Variants in CAND1 observed in about 807,000 individuals in gnomAD.
CAND1 encodes the protein cullin associated and neddylation dissociated 1.
Under a neutral mutation model 108.5 loss-of-function variants are expected in CAND1, and 7 were observed. The observed-to-expected ratio is 0.06, with a 90% CI of 0.04 to 0.12. CAND1 has a LOEUF of 0.12. Ranked by LOEUF, CAND1 falls within the 10% of genes least tolerant of loss-of-function variation. The probability of loss-of-function intolerance (pLI) is 1.00; values close to 1 mark genes in which losing one functional copy is unlikely to be tolerated. For synonymous variants in CAND1, 534 were observed against 512.0 expected, an observed-to-expected ratio of 1.04 and a Z score of -0.58; for missense variants, 941 against 1,448.7, an observed-to-expected ratio of 0.65 and a Z score of 5.69.
chr12:67,288,711 A>C (rs2044695499), intron 2 of CAND1, among the ~76,000 whole-genome samples: 1 of 152,236 alleles, frequency 6.6e-6, no homozygotes, highest in African/African-American at 2.4e-5. Context: ...AAGAGTGGAA[A>C]GAGTCAGTCA....
At position 67,306,292 on chromosome 12, in the gene CAND1, C is replaced by G; in HGVS notation, c.2624C>G (p.Ala875Gly). Residue 875 changes from alanine to glycine, a missense_variant, in exon 10 of 15, where the codon GCT becomes GGT. By Grantham distance (60) the Ala-to-Gly change is moderately conservative. This residue lies in a region of CAND1 where 697 missense variants were observed against 942.0 expected (regional missense o/e 0.74). Transcript: ENST00000545606. ...TCTCCTAGTGAAGAAGTCAAATCAG[C>G]TGCATCCTATGCATTAGGCAGCATT... ...FSSPSEEVKS[A>G]ASYALGSISV... 1.2e-6 allele frequency: 2 copies of G among 1,614,142 alleles called. No individual in the cohort carries two copies. The highest frequency in any genetic ancestry group is 2.7e-5 in the African/African-American group (2 of 75,044).
In CAND1 at chr12:67,298,970, C is replaced by A; in HGVS notation, c.875C>A (p.Pro292His). The A allele has an allele frequency of 6.5e-7, 1 of 1,534,020 alleles. No homozygotes were observed. The highest frequency in any genetic ancestry group is 9.0e-7 in the Non-Finnish European group (1 of 1,109,820). ...TTTAGATGTCCTAAGGAAGTATATC[C>A]TCATGTTTCTACCATTATAAATATT... ...FVRRCPKEVY[P>H]HVSTIINICL... is the part of the protein sequence containing the mutation. Residue 292 changes from proline (P) to histidine (H), a missense_variant, in exon 7 of 15, where the codon CCT (proline) becomes CAT (histidine). Physicochemically the swap from Pro to His is moderately conservative, Grantham distance 77. Transcript: ENST00000545606.
At chr12:67,280,619 A>G (rs775660) in intron 1 of CAND1, among the ~76,000 whole-genome samples, 84,313 of 152,062 alleles carry the variant, frequency 0.55, 24,503 homozygotes, top group Non-Finnish European at 0.65. Flanking sequence ...AGTTCATTTG[A>G]CTTTTAAGGA....
At chr12:67,279,154 GCT>G (rs1249701810) in intron 1 of CAND1, among the ~76,000 whole-genome samples, 1 of 145,632 alleles carries the variant, frequency 6.9e-6, no homozygotes, top group Non-Finnish European at 1.5e-5. Context: ...ACTCTGAGGT[GCT>G]CTGTCCTTCC....
chr12:67,269,908 A>G, intron 1 of CAND1, 123 bp downstream of exon 1: 3 of 730,100 alleles, frequency 4.1e-6, no homozygotes, highest in Non-Finnish European at 6.7e-6. Flanking sequence ...CGAAGTCTCC[A>G]GCCCACCGGT....
rs1357501870 is a variant in CAND1, at chr12:67,319,337, C to G, written c.*6507C>G. 4 of 152,214 alleles carry G rather than the reference C, an allele frequency of 2.6e-5. No individual in the cohort carries two copies. Among genetic ancestry groups the G allele is most frequent in the African/African-American group, 4.8e-5 (2 of 41,456 alleles). 9.4% of individuals were successfully genotyped at this position (152,214 alleles called of 1,614,324 possible). On this transcript the variant is annotated 3_prime_UTR_variant, in exon 15 of 15. Transcript: ENST00000545606. ...CTATAAAATATTTCCCTTGCCTTCTCAAGTTTGCTCAAGGTCAAGTTATGC... is the reference window on the plus strand; with the variant it reads ...CTATAAAATATTTCCCTTGCCTTCTGAAGTTTGCTCAAGGTCAAGTTATGC...
intron 1 of CAND1, among the ~76,000 whole-genome samples, chr12:67,272,286 A>C (rs1216540443): frequency 6.6e-6 from 1 of 152,236 alleles, no homozygotes; most frequent in East Asian, 1.9e-4. Flanking sequence ...TCTGGGTTCT[A>C]ATCATGTGTG....
At chr12:67,280,156 A>G (rs937653821) in intron 1 of CAND1, among the ~76,000 whole-genome samples, 1 of 152,214 alleles carries the variant, frequency 6.6e-6, no homozygotes, top group South Asian at 2.1e-4. Context: ...CCCTAATGCA[A>G]ATATAAGCTT....
At chr12:67,308,943 A>G (rs989174152) in intron 11 of CAND1, among the ~76,000 whole-genome samples, 5 of 151,860 alleles carry the variant, frequency 3.3e-5, no homozygotes, top group African/African-American at 1.2e-4. Context: ...TTGGCATTCA[A>G]GTCTTTTATC....
At chr12:67,283,801 C>A (rs1335011449) in intron 2 of CAND1, among the ~76,000 whole-genome samples, 2 of 152,046 alleles carry the variant, frequency 1.3e-5, no homozygotes, top group Admixed American at 1.3e-4. Context: ...ACTTCTTAGT[C>A]ACTTTAGTAT....
chr12:67,274,136 C>T (rs2044548321), intron 1 of CAND1, among the ~76,000 whole-genome samples: 1 of 152,036 alleles, frequency 6.6e-6, no homozygotes, highest in African/African-American at 2.4e-5. Context: ...ATTTCATTTC[C>T]CTCTAAAATT....
intron 1 of CAND1, among the ~76,000 whole-genome samples, chr12:67,281,336 AAAG>A (rs200417585): frequency 0.016 from 2,420 of 152,068 alleles, 53 homozygotes; most frequent in African/African-American, 0.056. Flanking sequence ...TCTACAAAAA[AAAG>A]AGAATGAAAA....
chr12:67,283,020 G>A (rs928135709), intron 2 of CAND1, among the ~76,000 whole-genome samples: 1 of 152,086 alleles, frequency 6.6e-6, no homozygotes, highest in African/African-American at 2.4e-5. Flanking sequence ...AATTTACATA[G>A]TTATTAGTAT....
At chr12:67,302,234 T>G in intron 7 of CAND1, 89 bp from the exon 8 acceptor site, 2 of 1,205,206 alleles carry the variant, frequency 1.7e-6, no homozygotes, top group Non-Finnish European at 1.2e-6. Context: ...GATTAACTGA[T>G]TTGGTTAAGA....
intron 2 of CAND1, among the ~76,000 whole-genome samples, chr12:67,283,029 A>G (rs1474042458): frequency 1.3e-5 from 2 of 152,210 alleles, no homozygotes; most frequent in African/African-American, 2.4e-5. Flanking sequence ...AGTTATTAGT[A>G]TAACCTTTAG....
chr12:67,277,455 A>G (rs933863121), intron 1 of CAND1, among the ~76,000 whole-genome samples: 1 of 152,224 alleles, frequency 6.6e-6, no homozygotes, highest in East Asian at 1.9e-4. Flanking sequence ...GGCACATTAT[A>G]GCCTTCTTGC....
chr12:67,302,769 G>A (rs1007317793), intron 8 of CAND1, among the ~76,000 whole-genome samples, 154 bp downstream of exon 8: 1 of 152,170 alleles, frequency 6.6e-6, no homozygotes, highest in Non-Finnish European at 1.5e-5. Context: ...TATTATGTTA[G>A]TTGTAAACTA....
chr12:67,294,193 G>A (rs559969070), intron 3 of CAND1, among the ~76,000 whole-genome samples: 2 of 151,732 alleles, frequency 1.3e-5, no homozygotes, highest in African/African-American at 4.8e-5. Flanking sequence ...GCCAATTTCC[G>A]GTTCTTACAA....
chr12:67,309,001 T>A (rs1394903752), intron 11 of CAND1, among the ~76,000 whole-genome samples: 1 of 152,008 alleles, frequency 6.6e-6, no homozygotes, highest in Non-Finnish European at 1.5e-5. Flanking sequence ...ATGATAGAGT[T>A]GAGATCATAT....
Sources: gnomAD v4.1 joint callset for allele counts (sites outside exome capture counted in the v4.1 genomes callset) on GRCh38, gnomAD v4.1.1 for gene constraint, gnomAD v4.1.1 regional missense constraint, MANE v1.5 for transcripts, NCBI Gene and HGNC (gene_info 2026-07-23, HGNC 2026-07-21) for gene names.